Variants in NCAM2 observed in about 807,000 individuals in gnomAD.
NCAM2 encodes neural cell adhesion molecule 2.
Under a neutral mutation model 98.1 loss-of-function variants are expected in NCAM2, and 30 were observed. The ratio of observed to expected loss-of-function variants is 0.31; its 90% CI spans 0.23 to 0.41. The LOEUF is 0.41. Ranked by LOEUF, NCAM2 falls within the 10% of genes least tolerant of loss-of-function variation. The pLI, the probability that NCAM2 is intolerant of heterozygous loss-of-function variation, is 1.00. For synonymous variants in NCAM2, 368 were observed against 342.4 expected, an observed-to-expected ratio of 1.07 and a Z score of -0.83; for missense variants, 867 against 1,005.8, an observed-to-expected ratio of 0.86 and a Z score of 1.87.
At chr21:21,008,156 C>T (rs554596363) in intron 1 of NCAM2, among the ~76,000 whole-genome samples, 153 of 113,134 alleles carry the variant, frequency 1.4e-3, no homozygotes, top group African/African-American at 4.7e-3. Flanking sequence ...ATGACATTTA[C>T]GTGCTTTTGA....
chr21:21,141,180 A>C (rs559640470), intron 1 of NCAM2, among the ~76,000 whole-genome samples: 1 of 152,160 alleles, frequency 6.6e-6, no homozygotes, highest in African/African-American at 2.4e-5. Flanking sequence ...ATGGTTTTCA[A>C]GTTTTTCGCT....
intron 1 of NCAM2, among the ~76,000 whole-genome samples, chr21:21,076,750 G>A (rs533747428): frequency 6.6e-6 from 1 of 152,254 alleles, no homozygotes; most frequent in African/African-American, 2.4e-5. Context: ...TAAAAAAAAT[G>A]CTCAGTGAAA....
chr21:21,146,274 T>G (rs1446042680), intron 1 of NCAM2, among the ~76,000 whole-genome samples: 1 of 151,852 alleles, frequency 6.6e-6, no homozygotes, highest in East Asian at 1.9e-4. Context: ...GCCTTAGTTT[T>G]TATTTTATAT....
chr21:21,171,812 G>A (rs1601559947), intron 1 of NCAM2, among the ~76,000 whole-genome samples: 2 of 151,000 alleles, frequency 1.3e-5, no homozygotes, highest in East Asian at 3.9e-4. Flanking sequence ...ATGCTAATGG[G>A]GATAGAATCA....
chr21:21,350,360 T>A (rs1044692999), intron 8 of NCAM2, among the ~76,000 whole-genome samples: 4 of 152,204 alleles, frequency 2.6e-5, no homozygotes, highest in Non-Finnish European at 5.9e-5. Flanking sequence ...ACTCACTAAC[T>A]ACGATGTGTT....
intron 1 of NCAM2, among the ~76,000 whole-genome samples, chr21:21,049,065 GCGGAC>G (rs2065055293): frequency 7.6e-6 from 1 of 132,200 alleles, no homozygotes; most frequent in Non-Finnish European, 1.5e-5. Flanking sequence ...AGGCTGGACT[GCGGAC>G]TGCAGTGGCG....
At chr21:21,029,434 C>T (rs116178699) in intron 1 of NCAM2, among the ~76,000 whole-genome samples, 256 of 152,100 alleles carry the variant, frequency 1.7e-3, no homozygotes, top group African/African-American at 6.0e-3. Context: ...GCTGGGATGC[C>T]TGCCAAACCT....
chr21:21,279,483 C>T (rs1334842219), intron 1 of NCAM2, among the ~76,000 whole-genome samples: 3 of 152,054 alleles, frequency 2.0e-5, no homozygotes, highest in Non-Finnish European at 4.4e-5. Context: ...CTCAGGCTCC[C>T]GAGTAGCTGG....
intron 15 of NCAM2, among the ~76,000 whole-genome samples, chr21:21,492,609 G>C (rs1468827009): frequency 2.0e-5 from 3 of 151,882 alleles, no homozygotes; most frequent in African/African-American, 7.2e-5. Context: ...TGTTGGTAGA[G>C]ATAGGTAATT....
intron 12 of NCAM2, among the ~76,000 whole-genome samples, chr21:21,437,833 G>A (rs77442392): frequency 6.6e-5 from 10 of 151,884 alleles, no homozygotes; most frequent in Non-Finnish European, 2.9e-5. Context: ...TAATTTCTAG[G>A]TGTACTTAGA....
intron 8 of NCAM2, among the ~76,000 whole-genome samples, chr21:21,351,778 G>T (rs1008775079): frequency 6.6e-6 from 1 of 152,110 alleles, no homozygotes; most frequent in African/African-American, 2.4e-5. Flanking sequence ...ACAGAGTCTA[G>T]CTCTGTTGCC....
intron 1 of NCAM2, among the ~76,000 whole-genome samples, chr21:21,091,996 A>G (rs2066022776): frequency 6.6e-6 from 1 of 152,046 alleles, no homozygotes; most frequent in South Asian, 2.1e-4. Flanking sequence ...GGGCCTGACA[A>G]AGTTGGTGCT....
At chr21:21,043,536 A>T (rs1345979164) in intron 1 of NCAM2, among the ~76,000 whole-genome samples, 1 of 151,812 alleles carries the variant, frequency 6.6e-6, no homozygotes, top group East Asian at 1.9e-4. Flanking sequence ...TTTTTGAAGA[A>T]ATAATATTAT....
chr21:21,007,169 A>G (rs1377726550), intron 1 of NCAM2, among the ~76,000 whole-genome samples: 3 of 152,190 alleles, frequency 2.0e-5, no homozygotes, highest in African/African-American at 7.2e-5. Flanking sequence ...TAAAACCTAT[A>G]GTATAATATG....
intron 4 of NCAM2, among the ~76,000 whole-genome samples, chr21:21,288,224 T>C (rs1165960710): frequency 6.6e-6 from 1 of 151,930 alleles, no homozygotes; most frequent in Non-Finnish European, 1.5e-5. Flanking sequence ...TTAAAAAATA[T>C]ATTTTTCATC....
intron 14 of NCAM2, among the ~76,000 whole-genome samples, chr21:21,469,279 G>C (rs949698832): frequency 6.6e-6 from 1 of 151,994 alleles, no homozygotes; most frequent in Non-Finnish European, 1.5e-5. Context: ...GCACTATCCA[G>C]TAAGGATGTT....
intron 17 of NCAM2, 37 bp from the exon 18 acceptor site, chr21:21,537,809 C>A: frequency 8.8e-7 from 1 of 1,130,020 alleles, no homozygotes; most frequent in Non-Finnish European, 1.3e-6. Context: ...TCCTTAAATA[C>A]CTCAGAAAAT....
intron 8 of NCAM2, among the ~76,000 whole-genome samples, chr21:21,365,702 C>G (rs1044257151): frequency 6.6e-6 from 1 of 151,976 alleles, no homozygotes; most frequent in East Asian, 1.9e-4. Context: ...ACAAGCACAA[C>G]AAGGAGAGAT....
Position 21,340,257 on chromosome 21 carries a change from C to A in NCAM2, c.1044+1723C>A, listed in dbSNP as rs550650976. On this transcript the variant is annotated intron_variant, in intron 8 of 17. Coordinates refer to ENST00000400546, the MANE Select transcript of NCAM2 (RefSeq NM_004540.5). The stretch of plus-strand genomic sequence containing the variant: ...TTATTTTTCAGCTTACTGCAAAATT[C>A]TTAAAAGTTATCTTCTCAAAGATAG... Among the ~76,000 whole-genome samples the A allele has an allele frequency of 9.9e-5, 15 of 151,910 alleles. 1 individual carries two copies. Among genetic ancestry groups the A allele is most frequent in the Admixed American group, 7.9e-4 (12 of 15,238 alleles).
Sources: allele counts gnomAD v4.1 joint callset (sites outside exome capture counted in the v4.1 genomes callset), GRCh38; gene constraint gnomAD v4.1.1; transcripts MANE v1.5; gene names NCBI Gene and HGNC (gene_info 2026-07-23, HGNC 2026-07-21).